The following TNFRSF19 variants were observed in gnomAD, a reference collection of about 807,000 sequenced individuals.
TNFRSF19 encodes the protein tumor necrosis factor receptor superfamily member 19.
In TNFRSF19, 27 loss-of-function variants were observed where a neutral mutation model predicts 46.4. The observed-to-expected ratio is 0.58, with a 90% confidence interval of 0.43 to 0.80. TNFRSF19 has a LOEUF of 0.80. TNFRSF19 is among the 30% of genes least tolerant of loss of function. The pLI is 0.00. For missense variants in TNFRSF19, 511 were observed against 530.8 expected, an observed-to-expected ratio of 0.96 and a Z score of 0.37; for synonymous variants, 204 against 205.0, an observed-to-expected ratio of 1.00 and a Z score of 0.04.
intron 6 of TNFRSF19, 141 bp from the exon 7 acceptor site, chr13:23,660,224 G>T: frequency 1.2e-6 from 1 of 858,914 alleles, no homozygotes; most frequent in Non-Finnish European, 1.8e-6. Flanking sequence ...ATTATTTCAT[G>T]TTTGTGCTTC....
At position 23,625,841 on chromosome 13, in the gene TNFRSF19, T is replaced by G. The variant is rs533808414; in HGVS notation, c.360-866T>G. Among the ~76,000 whole-genome samples the G allele has an allele frequency of 2.6e-5, 4 of 152,312 alleles. No individual in the cohort carries two copies. The East Asian group carries it at 7.7e-4, about 29-fold the overall frequency. On this transcript the variant is annotated intron_variant, in intron 4 of 9. Transcript: ENST00000248484. Reference sequence around the variant, plus strand: ...TCACACCAGCACTTGACTAATTTTCTAAGTAAAAATGATATATTTTCATTT... The same window carrying G: ...TCACACCAGCACTTGACTAATTTTCGAAGTAAAAATGATATATTTTCATTT...
chr13:23,671,784 G>A (rs1951765489), intron 9 of TNFRSF19, among the ~76,000 whole-genome samples: 1 of 152,198 alleles, frequency 6.6e-6, no homozygotes. Flanking sequence ...CCAGGAGTTT[G>A]AGGCTTGAGG....
At chr13:23,587,447 T>C (rs1017690285) in intron 1 of TNFRSF19, among the ~76,000 whole-genome samples, 2 of 152,216 alleles carry the variant, frequency 1.3e-5, no homozygotes, top group African/African-American at 4.8e-5. Context: ...TGAGCTCCCT[T>C]GAAGGAACAA....
intron 3 of TNFRSF19, among the ~76,000 whole-genome samples, chr13:23,614,097 TC>T (rs143411271): frequency 0.047 from 7,190 of 152,156 alleles, 198 homozygotes; most frequent in African/African-American, 0.071. Flanking sequence ...GTTGTTTGTC[TC>T]CCCCCTCCTC....
intron 5 of TNFRSF19, among the ~76,000 whole-genome samples, chr13:23,635,081 T>G (rs1882593801): frequency 6.6e-6 from 1 of 152,094 alleles, no homozygotes; most frequent in South Asian, 2.1e-4. Flanking sequence ...CAGGACATGG[T>G]CACGTGGAGG....
chr13:23,576,306 G>C (rs771930681), intron 1 of TNFRSF19, among the ~76,000 whole-genome samples: 5 of 151,942 alleles, frequency 3.3e-5, no homozygotes, highest in African/African-American at 1.2e-4. Flanking sequence ...GCTAATTTTT[G>C]TATTTTTACA....
At position 23,673,481 on chromosome 13, in the gene TNFRSF19, G is replaced by A; in HGVS notation, c.*101G>A. The stretch of plus-strand genomic sequence containing the variant: ...GCAGTCTGGACCTTGCATGGCTTCT[G>A]GGGCAAAAATAAATCTGAACCAAAC... On this transcript the variant is annotated 3_prime_UTR_variant, in exon 10 of 10. Coordinates refer to ENST00000248484, the MANE Select transcript of TNFRSF19 (RefSeq NM_148957.4). 7.0e-7 allele frequency: 1 copy of A among 1,421,518 alleles called. No homozygotes were observed. Among genetic ancestry groups the A allele is most frequent in the Non-Finnish European group, 9.3e-7 (1 of 1,076,278 alleles). 88.1% of individuals were successfully genotyped at this position (1,421,518 alleles called of 1,614,324 possible).
intron 1 of TNFRSF19, among the ~76,000 whole-genome samples, chr13:23,579,202 G>C (rs1474024522): frequency 6.6e-6 from 1 of 152,184 alleles, no homozygotes; most frequent in South Asian, 2.1e-4. Context: ...GGCCTCCAAA[G>C]AACCCAGCTG....
intron 3 of TNFRSF19, among the ~76,000 whole-genome samples, chr13:23,598,394 A>T (rs935463459): frequency 2.0e-5 from 3 of 152,160 alleles, no homozygotes; most frequent in South Asian, 2.1e-4. Flanking sequence ...TATATATATA[A>T]ACCCTAAATC....
chr13:23,583,985 A>G (rs1878645573), intron 1 of TNFRSF19, among the ~76,000 whole-genome samples: 2 of 152,254 alleles, frequency 1.3e-5, no homozygotes, highest in African/African-American at 4.8e-5. Context: ...CAAAGATGAT[A>G]AAATGTACAA....
At chr13:23,600,518 T>TCAAAA (rs1241613676) in intron 3 of TNFRSF19, among the ~76,000 whole-genome samples, 2 of 152,006 alleles carry the variant, frequency 1.3e-5, no homozygotes, top group Non-Finnish European at 2.9e-5. Context: ...AATGTCAAAA[T>TCAAAA]CAAAACAAAA....
At chr13:23,583,129 A>G (rs901328144) in intron 1 of TNFRSF19, among the ~76,000 whole-genome samples, 13 of 152,310 alleles carry the variant, frequency 8.5e-5, no homozygotes, top group African/African-American at 2.6e-4. Context: ...AAATGTCCAA[A>G]TTGTTTTCCA....
intron 5 of TNFRSF19, among the ~76,000 whole-genome samples, chr13:23,630,382 C>T (rs938278301): frequency 6.6e-6 from 1 of 151,840 alleles, no homozygotes; most frequent in East Asian, 1.9e-4. Context: ...TGAAGAGACC[C>T]GAATTAGGCC....
Position 23,574,496 on chromosome 13 carries a change from C to T in TNFRSF19, c.-35+3648C>T, listed in dbSNP as rs372182358. Among the ~76,000 whole-genome samples, 81 of 150,924 alleles carry T rather than the reference C, an allele frequency of 5.4e-4. 1 individual carries two copies. The highest frequency in any genetic ancestry group is 1.8e-3 in the African/African-American group (76 of 41,094). ...TTTCCTTTTATATATTTTGTAAGAACTATTAGACATTTTTAATAGTATTTT... is the reference window on the plus strand; with the variant it reads ...TTTCCTTTTATATATTTTGTAAGAATTATTAGACATTTTTAATAGTATTTT... On this transcript the variant is annotated intron_variant, in intron 1 of 9. Coordinates refer to ENST00000248484, the MANE Select transcript of TNFRSF19 (RefSeq NM_148957.4).
chr13:23,672,095 A>G (rs1181402353), intron 9 of TNFRSF19, among the ~76,000 whole-genome samples: 2 of 152,206 alleles, frequency 1.3e-5, no homozygotes, highest in Admixed American at 6.5e-5. Context: ...ATTTCAGCGC[A>G]TGATGCATTT....
intron 5 of TNFRSF19, among the ~76,000 whole-genome samples, chr13:23,646,300 C>A (rs1194660950): frequency 6.6e-6 from 1 of 152,060 alleles, no homozygotes; most frequent in Admixed American, 6.6e-5. Flanking sequence ...ATAAAGTTTG[C>A]CACTTCAGCC....
intron 5 of TNFRSF19, among the ~76,000 whole-genome samples, chr13:23,641,185 C>A (rs752919981): frequency 2.6e-5 from 4 of 152,194 alleles, no homozygotes; most frequent in African/African-American, 4.8e-5. Flanking sequence ...AAATTCAGAT[C>A]TTGGGCTTGT....
At chr13:23,669,822 C>G (rs917147106) in intron 9 of TNFRSF19, 1 of 588,664 alleles carries the variant, frequency 1.7e-6, no homozygotes, top group Non-Finnish European at 2.1e-6. Context: ...TGAATTTGAC[C>G]TAATGTTTGT....
chr13:23,617,037 G>T (rs1376428636), intron 4 of TNFRSF19, among the ~76,000 whole-genome samples: 1 of 152,140 alleles, frequency 6.6e-6, no homozygotes, highest in African/African-American at 2.4e-5. Flanking sequence ...GCGTAAATTG[G>T]GTTGTCAGGA....
Sources: allele counts gnomAD v4.1 joint callset (sites outside exome capture counted in the v4.1 genomes callset), GRCh38; gene constraint gnomAD v4.1.1; transcripts MANE v1.5; gene names NCBI Gene and HGNC (gene_info 2026-07-23, HGNC 2026-07-21).